Variants in HAGH observed in about 807,000 individuals in gnomAD.
HAGH encodes the protein hydroxyacylglutathione hydrolase, mitochondrial.
HAGH carries 29 observed loss-of-function variants against 35.1 expected under a neutral mutation model. The observed-to-expected ratio is 0.83, with a 90% CI of 0.62 to 1.13. The LOEUF is 1.13. HAGH is among the 50% of genes most tolerant of loss of function. HAGH has a pLI of 0.00. For synonymous variants in HAGH, 225 were observed against 176.1 expected, an observed-to-expected ratio of 1.28 and a Z score of -2.20; for missense variants, 478 against 419.6, an observed-to-expected ratio of 1.14 and a Z score of -1.22.
At position 1,822,997 on chromosome 16, in the gene HAGH, C is replaced by T. The variant is rs1173203717; in HGVS notation, c.117G>A (p.Arg39=). 2 of 1,613,968 alleles carry T rather than the reference C, an allele frequency of 1.2e-6. No individual in the cohort carries two copies. The highest frequency in any genetic ancestry group is 2.2e-5 in the South Asian group (2 of 91,078). Reference sequence around the variant, plus strand: ...TGCCCTCGTCCACGGTCAGGTTCTTCCGCAAATCTGTGTGGCAGAAAACTC... The same window carrying T: ...TGCCCTCGTCCACGGTCAGGTTCTTTCGCAAATCTGTGTGGCAGAAAACTC... ...LLGVFCHTDL[R]KNLTVDEGTM... The change falls in exon 2 of 9, where the codon CGG becomes CGA. Residue 39 remains arginine, a synonymous_variant. Transcript: ENST00000397356.
At chr16:1,827,148 G>C, upstream of HAGH, 1 of 1,503,316 alleles carries the variant, frequency 6.7e-7, no homozygotes, top group Non-Finnish European at 8.9e-7. Flanking sequence ...GCGGGGGACA[G>C]CGTTCCGAGG....
intron 5 of HAGH, among the ~76,000 whole-genome samples, chr16:1,817,896 C>T (rs1020320951): frequency 2.6e-5 from 4 of 152,256 alleles, no homozygotes; most frequent in African/African-American, 7.2e-5. Flanking sequence ...CAGGGCAGTC[C>T]CCTGAGAGGA....
At chr16:1,815,581 G>A (rs951106806) in intron 7 of HAGH, among the ~76,000 whole-genome samples, 8 of 152,234 alleles carry the variant, frequency 5.3e-5, no homozygotes, top group African/African-American at 1.9e-4. Flanking sequence ...TGAGGTCACA[G>A]CAGAGCAACA....
chr16:1,816,821 T>C, intron 7 of HAGH, 72 bp downstream of exon 7: 3 of 926,928 alleles, frequency 3.2e-6, no homozygotes, highest in East Asian at 2.5e-5. Flanking sequence ...CTACCCACTC[T>C]GGCGACCCCG....
chr16:1,820,004 C>T lies in HAGH; in HGVS notation c.325G>A (p.Gly109Ser). ...AGCTTGACCAGTTTCTCATTCCCGC[C>T]AGCATGGTCCCTAGAAGTCAAACAG... ...LTTHHHWDHA[G>S]GNEKLVKLES... The change falls in exon 4 of 9, where the codon GGC becomes AGC. Residue 109 changes from glycine (G) to serine (S), a missense_variant. By Grantham distance (56) the Gly-to-Ser change is moderately conservative. Transcript: ENST00000397356. 1.9e-6 allele frequency: 3 copies of T among 1,610,390 alleles called. No individual in the cohort carries two copies. The highest frequency in any genetic ancestry group is 1.7e-6 in the Non-Finnish European group (2 of 1,177,708).
chr16:1,813,103 C>T (rs12595860), intron 7 of HAGH, among the ~76,000 whole-genome samples: 19,560 of 152,246 alleles, frequency 0.13, 1,674 homozygotes, highest in South Asian at 0.19. Context: ...CAAATCTGAT[C>T]CCCAATTAAT....
chr16:1,809,785 C>T lies in HAGH; in HGVS notation c.796G>A (p.Glu266Lys). The T allele has an allele frequency of 1.9e-6, 3 of 1,613,980 alleles. No homozygotes were observed. The highest frequency in any genetic ancestry group is 2.5e-6 in the Non-Finnish European group (3 of 1,179,820). Residue 266 changes from glutamate (E) to lysine (K), a missense_variant, in exon 8 of 9, where the codon GAG (glutamate) becomes AAG (lysine). Transcript: ENST00000397356. ...CTCATGAAGGGGTTGTAGGTAAACT[C>T]CTCTGCCAGGGTGGATGGCACTGTG... ...EPTVPSTLAE[E>K]FTYNPFMRVR... is the part of the protein sequence containing the mutation.
chr16:1,811,136 G>A (rs539969052), intron 7 of HAGH, among the ~76,000 whole-genome samples: 6 of 152,318 alleles, frequency 3.9e-5, no homozygotes, highest in Admixed American at 1.3e-4. Context: ...TCAGTCAGCC[G>A]AGCGCAGTGG....
In HAGH at chr16:1,819,077, C is replaced by T. The variant is rs77870008; in HGVS notation, c.541+38G>A. The T allele has an allele frequency of 6.0e-3, 7,889 of 1,319,728 alleles. 297 individuals are homozygous for T. In the East Asian group the frequency reaches 0.1, roughly 17 times the overall value. 81.8% of individuals were successfully genotyped at this position (1,319,728 alleles called of 1,614,324 possible). The stretch of plus-strand genomic sequence containing the variant: ...CCTGGCAGGAGACACAGGGTCTTCA[C>T]GAAGAACCCCCGCCCCCACCCACAC... On this transcript the variant is annotated intron_variant, in intron 5 of 8. Coordinates refer to ENST00000397356, the MANE Select transcript of HAGH (RefSeq NM_005326.6).
intron 7 of HAGH, among the ~76,000 whole-genome samples, chr16:1,815,718 C>A (rs1007060948): frequency 1.3e-5 from 2 of 152,118 alleles, no homozygotes; most frequent in African/African-American, 2.4e-5. Context: ...GCAATCTGTC[C>A]ACTCAAGACA....
chr16:1,813,283 G>T (rs548098961), intron 7 of HAGH, among the ~76,000 whole-genome samples: 1 of 152,000 alleles, frequency 6.6e-6, no homozygotes, highest in East Asian at 1.9e-4. Flanking sequence ...AGCTCCTTTC[G>T]CCTTCTGCCA....
Position 1,811,434 on chromosome 16 carries a change from C to T in HAGH, c.748-1601G>A, listed in dbSNP as rs552528792. Among the ~76,000 whole-genome samples the T allele has an allele frequency of 9.9e-5, 15 of 151,710 alleles. No homozygotes were observed. In the East Asian group the frequency reaches 2.1e-3, roughly 22 times the overall value. Reference sequence around the variant, plus strand: ...GTCTCCCAAAGAAAGAACAACAGGCCGGGCGCGGTTGCTCACACCTGTAAT... The same window carrying T: ...GTCTCCCAAAGAAAGAACAACAGGCTGGGCGCGGTTGCTCACACCTGTAAT... On this transcript the variant is annotated intron_variant, in intron 7 of 8. Transcript: ENST00000397356.
intron 7 of HAGH, chr16:1,811,007 A>G (rs1050275772): frequency 6.6e-6 from 1 of 152,206 alleles, no homozygotes; most frequent in East Asian, 1.9e-4. Flanking sequence ...TTCTAAGGAG[A>G]CCTTTAAAAC....
In HAGH at chr16:1,820,654, G is replaced by A. The variant is rs182232343; in HGVS notation, c.315-640C>T. On this transcript the variant is annotated intron_variant, in intron 3 of 8. Coordinates refer to ENST00000397356, the MANE Select transcript of HAGH (RefSeq NM_005326.6). Reference sequence around the variant, plus strand: ...CCTGACCCGCAGTTCAGAAAGGGGCGGTTGAAGGGGCCCTTCCCGGGTCTC... The same window carrying A: ...CCTGACCCGCAGTTCAGAAAGGGGCAGTTGAAGGGGCCCTTCCCGGGTCTC... 4.4e-3 allele frequency among the ~76,000 whole-genome samples: 677 copies of A among 152,280 alleles called. 6 individuals are homozygous for A. Among genetic ancestry groups the A allele is most frequent in the African/African-American group, 0.015 (644 of 41,552 alleles).
intron 1 of HAGH, 148 bp from the exon 2 acceptor site, chr16:1,823,185 G>A (rs796078451): frequency 9.1e-5 from 62 of 681,346 alleles, no homozygotes; most frequent in African/African-American, 8.5e-4. Context: ...GAATCCCAGC[G>A]CTTTAAGAGA....
rs529379585 is a variant in HAGH at position 1,815,076 on chromosome 16, G to A, written c.747+1817C>T. ...ACAAAAGATTGAACATAAACTTCATGAGAAGGCATCCAAAGGCCGACACAC... is the reference window on the plus strand; with the variant it reads ...ACAAAAGATTGAACATAAACTTCATAAGAAGGCATCCAAAGGCCGACACAC... On this transcript the variant is annotated intron_variant, in intron 7 of 8. Transcript: ENST00000397356. Among the ~76,000 whole-genome samples, 609 of 152,066 alleles carry A rather than the reference G, an allele frequency of 4.0e-3. 2 individuals are homozygous for A. Among genetic ancestry groups the A allele is most frequent in the Non-Finnish European group, 4.9e-3 (330 of 68,024 alleles).
At chr16:1,821,948 T>TG (rs1555468655) in intron 3 of HAGH, 40 of 122,546 alleles carry the variant, frequency 3.3e-4, no homozygotes, top group Middle Eastern at 3.5e-3. Flanking sequence ...TTTTTTGTTT[T>TG]TTTGTTTTTT....
chr16:1,820,334 GT>G (rs1460359098), intron 3 of HAGH, among the ~76,000 whole-genome samples: 2 of 151,380 alleles, frequency 1.3e-5, no homozygotes, highest in Non-Finnish European at 3.0e-5. Flanking sequence ...TCCTGGTGCA[GT>G]GGGTCTGGGG....
Position 1,809,853 on chromosome 16 carries a change from C to G in HAGH, c.748-20G>C, listed in dbSNP as rs1555466571. 3 of 1,587,344 alleles carry G rather than the reference C, an allele frequency of 1.9e-6. No homozygotes were observed. The South Asian group carries it at 3.3e-5, about 18-fold the overall frequency. Reference sequence around the variant, plus strand: ...CTTCTCCTGCAAGAGAAACGCACCACTTTATCACGGGAACTTCACAGGATG... The same window carrying G: ...CTTCTCCTGCAAGAGAAACGCACCAGTTTATCACGGGAACTTCACAGGATG... On this transcript the variant is annotated intron_variant, in intron 7 of 8. Coordinates refer to ENST00000397356, the MANE Select transcript of HAGH (RefSeq NM_005326.6).
Sources: gnomAD v4.1 joint callset for allele counts (sites outside exome capture counted in the v4.1 genomes callset) on GRCh38, gnomAD v4.1.1 for gene constraint, MANE v1.5 for transcripts, NCBI Gene and HGNC (gene_info 2026-07-23, HGNC 2026-07-21) for gene names.